The following PCDHA2 variants were observed in gnomAD, a reference collection of about 807,000 sequenced individuals.
The protein encoded by PCDHA2 is protocadherin alpha-2.
In PCDHA2, 58 loss-of-function variants were observed where a neutral mutation model predicts 66.0. The observed-to-expected ratio is 0.88, with a 90% CI of 0.71 to 1.09. The LOEUF is 1.09. PCDHA2 is among the 50% of genes least tolerant of loss of function. The pLI, the probability that PCDHA2 is intolerant of heterozygous loss-of-function variation, is 0.00. For synonymous variants in PCDHA2, 634 were observed against 554.0 expected (o/e 1.14, Z -2.03); for missense variants, 1,267 against 1,242.3 (o/e 1.02, Z -0.30).
At chr5:140,997,420 G>A (rs1300822693) in intron 3 of PCDHA2, among the ~76,000 whole-genome samples, 4 of 152,042 alleles carry the variant, frequency 2.6e-5, no homozygotes, top group African/African-American at 9.7e-5. Flanking sequence ...TTTCTCCTAG[G>A]CTACAAACCT....
chr5:140,809,433 C>G, intron 1 of PCDHA2: 3 of 1,614,244 alleles, frequency 1.9e-6, no homozygotes, highest in Non-Finnish European at 2.5e-6. Context: ...GGGAGCTGGT[C>G]ATACTCGCAG....
At chr5:140,849,595 C>T (rs2150441932) in intron 1 of PCDHA2, 1 of 1,598,688 alleles carries the variant, frequency 6.3e-7, no homozygotes, top group South Asian at 1.1e-5. Flanking sequence ...CAACTGGGGA[C>T]AGTTATTGCC....
intron 1 of PCDHA2, chr5:140,835,845 G>A (rs2150246372): frequency 2.5e-6 from 4 of 1,612,312 alleles, no homozygotes; most frequent in Non-Finnish European, 1.7e-6. Flanking sequence ...GCAGAAGAAC[G>A]CGCTGGTGTC....
intron 1 of PCDHA2, chr5:140,870,604 C>T (rs376574285): frequency 1.9e-6 from 3 of 1,613,134 alleles, no homozygotes; most frequent in African/African-American, 2.7e-5. Context: ...GTTGGGCGAC[C>T]GCGCGCTGTC....
chr5:140,849,603 G>A lies in PCDHA2; in HGVS notation c.2388+52251G>A, dbSNP rs2150442213. On this transcript the variant is annotated intron_variant, in intron 1 of 3. Transcript: ENST00000526136. ...GGACGCACAACTGGGGACAGTTATT[G>A]CCCTGATTAGTGTGATCGACCTAGA... The A allele has an allele frequency of 3.8e-5, 60 of 1,598,580 alleles. 9 individuals are homozygous for A. Among genetic ancestry groups the A allele is most frequent in the Non-Finnish European group, 5.1e-5 (59 of 1,167,940 alleles).
chr5:140,811,923 G>A (rs2126633013), intron 1 of PCDHA2: 16 of 152,164 alleles, frequency 1.1e-4, no homozygotes, highest in Non-Finnish European at 1.8e-4. Flanking sequence ...TGGGTAGATT[G>A]CAAAAATTTT....
chr5:140,843,238 A>C (rs1778702476), intron 1 of PCDHA2: 1 of 1,595,718 alleles, frequency 6.3e-7, no homozygotes, highest in Admixed American at 1.7e-5. Context: ...TCCTGGACGA[A>C]GCGGACTCTC....
chr5:140,888,725 T>C (rs1254922405), intron 1 of PCDHA2, among the ~76,000 whole-genome samples: 2 of 152,156 alleles, frequency 1.3e-5, no homozygotes, highest in African/African-American at 4.8e-5. Flanking sequence ...TTTCCAGCCC[T>C]TTGTGAGCTC....
chr5:140,984,659 C>G (rs560265457), intron 3 of PCDHA2, among the ~76,000 whole-genome samples: 4 of 152,246 alleles, frequency 2.6e-5, no homozygotes, highest in African/African-American at 9.6e-5. Flanking sequence ...CCTTCTGGTA[C>G]TTTTAGGTTT....
At chr5:140,823,193 T>A (rs2150123303) in intron 1 of PCDHA2, 20 of 1,613,836 alleles carry the variant, frequency 1.2e-5, no homozygotes, top group Non-Finnish European at 1.7e-5. Flanking sequence ...GGCTGCCACA[T>A]CTTCACGGTG....
intron 1 of PCDHA2, chr5:140,809,389 G>A (rs781832159): frequency 2.5e-6 from 4 of 1,614,058 alleles, no homozygotes; most frequent in East Asian, 4.5e-5. Flanking sequence ...CGTGCGCTCC[G>A]GGCAAGCCCA....
At chr5:140,969,865 C>T (rs982289120) in intron 1 of PCDHA2, among the ~76,000 whole-genome samples, 1 of 152,204 alleles carries the variant, frequency 6.6e-6, no homozygotes. Flanking sequence ...GGTACTTGCA[C>T]TGAACCTATG....
At chr5:140,896,116 A>G (rs2065393833) in intron 1 of PCDHA2, among the ~76,000 whole-genome samples, 1 of 152,044 alleles carries the variant, frequency 6.6e-6, no homozygotes, top group Admixed American at 6.6e-5. Context: ...TGGCCAATGT[A>G]CTGCATTTTA....
intron 1 of PCDHA2, chr5:140,877,311 G>C (rs200978234): frequency 6.3e-5 from 101 of 1,613,852 alleles, no homozygotes; most frequent in Non-Finnish European, 7.9e-5. Context: ...AGTTGCAACC[G>C]GCGGCGGTCG....
chr5:140,885,920 C>T (rs1554182299), intron 1 of PCDHA2, among the ~76,000 whole-genome samples: 1 of 151,998 alleles, frequency 6.6e-6, no homozygotes, highest in East Asian at 1.9e-4. Context: ...TAGATATTAA[C>T]TGTTTATCTA....
chr5:140,997,781 C>G (rs1207024588), intron 3 of PCDHA2, among the ~76,000 whole-genome samples: 1 of 151,626 alleles, frequency 6.6e-6, no homozygotes, highest in Non-Finnish European at 1.5e-5. Context: ...TGTTGTATAC[C>G]TATATTATAA....
chr5:140,822,318 T>G, intron 1 of PCDHA2: 1 of 1,614,174 alleles, frequency 6.2e-7, no homozygotes, highest in Non-Finnish European at 8.5e-7. Flanking sequence ...ACTTAGATGT[T>G]AAAACAAATG....
At chr5:140,967,548 C>T (rs782750678) in intron 1 of PCDHA2, 15 of 1,613,922 alleles carry the variant, frequency 9.3e-6, no homozygotes, top group Non-Finnish European at 1.3e-5. Context: ...GACCAGTCCA[C>T]TTATCGCGTC....
chr5:140,827,967 C>A (rs1278523381), intron 1 of PCDHA2: 2 of 1,351,286 alleles, frequency 1.5e-6, no homozygotes, highest in African/African-American at 2.9e-5. Flanking sequence ...TCTATTACTG[C>A]ATCATTCCCT....
Sources: allele counts gnomAD v4.1 joint callset (sites outside exome capture counted in the v4.1 genomes callset), GRCh38; gene constraint gnomAD v4.1.1; transcripts MANE v1.5; gene names NCBI Gene and HGNC (gene_info 2026-07-23, HGNC 2026-07-21).